The following SYT1 variants were observed in gnomAD, a reference collection of about 807,000 sequenced individuals.
The protein encoded by SYT1 is synaptotagmin 1.
In SYT1, 8 loss-of-function variants were observed where a neutral mutation model predicts 44.8. The observed-to-expected ratio is 0.18, with a 90% CI of 0.10 to 0.32. The LOEUF (loss-of-function observed/expected upper bound fraction) is 0.32, where lower values mean the gene tolerates loss of function less well. Among genes scored for constraint, SYT1 ranks in the 10% least tolerant of loss-of-function variants. SYT1 has a pLI of 1.00. For synonymous variants in SYT1, 154 were observed against 188.8 expected, an observed-to-expected ratio of 0.82 and a Z score of 1.51; for missense variants, 286 against 509.3, an observed-to-expected ratio of 0.56 and a Z score of 4.22.
At chr12:78,941,299 C>T (rs902878402) in intron 1 of SYT1, among the ~76,000 whole-genome samples, 1 of 151,310 alleles carries the variant, frequency 6.6e-6, no homozygotes, top group Non-Finnish European at 1.5e-5. Flanking sequence ...GTCTCGATCT[C>T]CTGACCTCGT....
chr12:79,084,395 T>A (rs564233818), intron 3 of SYT1, among the ~76,000 whole-genome samples: 17 of 152,158 alleles, frequency 1.1e-4, no homozygotes, highest in Non-Finnish European at 2.1e-4. Flanking sequence ...AGTCTCCAAC[T>A]ACCTTACATA....
intron 8 of SYT1, among the ~76,000 whole-genome samples, chr12:79,337,513 A>G (rs1185785116): frequency 6.6e-6 from 1 of 152,190 alleles, no homozygotes; most frequent in East Asian, 1.9e-4. Flanking sequence ...CACTAGCAGA[A>G]GTAGCTACAG....
At chr12:79,155,782 A>T (rs563478731) in intron 3 of SYT1, among the ~76,000 whole-genome samples, 1 of 152,312 alleles carries the variant, frequency 6.6e-6, no homozygotes, top group South Asian at 2.1e-4. Flanking sequence ...TCCATTTCAG[A>T]AGGGAAAAAG....
At chr12:79,178,889 C>G (rs1872074682) in intron 3 of SYT1, among the ~76,000 whole-genome samples, 1 of 146,386 alleles carries the variant, frequency 6.8e-6, no homozygotes, top group East Asian at 2.0e-4. Flanking sequence ...GCTGGGATTT[C>G]ATGCATGCGC....
At chr12:79,305,449 A>T (rs1296988438) in intron 8 of SYT1, among the ~76,000 whole-genome samples, 1 of 152,094 alleles carries the variant, frequency 6.6e-6, no homozygotes, top group Admixed American at 6.5e-5. Context: ...TCCAAAGTTC[A>T]TCTTCATTAA....
intron 1 of SYT1, among the ~76,000 whole-genome samples, chr12:78,889,433 G>T (rs1430677305): frequency 6.6e-6 from 1 of 151,838 alleles, no homozygotes; most frequent in African/African-American, 2.4e-5. Flanking sequence ...ATAAATGACA[G>T]TATAAAAATA....
chr12:79,385,576 A>G, intron 9 of SYT1, among the ~76,000 whole-genome samples: 1 of 152,136 alleles, frequency 6.6e-6, no homozygotes, highest in East Asian at 1.9e-4. Context: ...GCATGCTATA[A>G]TTTATAATTC....
At chr12:79,202,280 C>T (rs910485130) in intron 3 of SYT1, among the ~76,000 whole-genome samples, 1 of 152,116 alleles carries the variant, frequency 6.6e-6, no homozygotes, top group Non-Finnish European at 1.5e-5. Context: ...GAGATAATGA[C>T]CTTTTATTAC....
intron 1 of SYT1, among the ~76,000 whole-genome samples, chr12:78,893,087 A>G (rs1450658772): frequency 6.6e-6 from 1 of 151,864 alleles, no homozygotes; most frequent in Non-Finnish European, 1.5e-5. Context: ...AATGGCTGCC[A>G]TCATTACAAT....
intron 1 of SYT1, among the ~76,000 whole-genome samples, chr12:78,975,791 T>C (rs1291742220): frequency 1.3e-5 from 2 of 152,218 alleles, no homozygotes; most frequent in East Asian, 3.8e-4. Flanking sequence ...AGGAATAAGA[T>C]ACTTTCTGGG....
intron 4 of SYT1, among the ~76,000 whole-genome samples, chr12:79,237,275 C>T (rs555649521): frequency 4.6e-5 from 7 of 152,102 alleles, no homozygotes; most frequent in East Asian, 1.9e-4. Context: ...TTGGACAATA[C>T]GAGAAAGAGT....
chr12:79,445,126 C>G (rs1460028482), intron 10 of SYT1, among the ~76,000 whole-genome samples: 1 of 151,974 alleles, frequency 6.6e-6, no homozygotes, highest in East Asian at 1.9e-4. Flanking sequence ...CAACAAAGAA[C>G]CTTCTAAAGG....
At chr12:78,900,463 A>G (rs1301695470) in intron 1 of SYT1, among the ~76,000 whole-genome samples, 1 of 152,132 alleles carries the variant, frequency 6.6e-6, no homozygotes, top group South Asian at 2.1e-4. Context: ...TGAATAGTCA[A>G]GGAAGTCTCC....
At chr12:79,149,138 A>T (rs1870107244) in intron 3 of SYT1, among the ~76,000 whole-genome samples, 1 of 151,902 alleles carries the variant, frequency 6.6e-6, no homozygotes, top group Middle Eastern at 3.4e-3. Context: ...ATCTAGATTT[A>T]TTTTTTTACT....
At chr12:79,069,561 C>G (rs1213425471) in intron 3 of SYT1, among the ~76,000 whole-genome samples, 3 of 150,902 alleles carry the variant, frequency 2.0e-5, no homozygotes, top group Non-Finnish European at 4.4e-5. Context: ...AATTTTAATA[C>G]TAATTCAAAA....
intron 8 of SYT1, among the ~76,000 whole-genome samples, chr12:79,309,322 A>G (rs76337573): frequency 0.016 from 2,474 of 152,136 alleles, 36 homozygotes; most frequent in Non-Finnish European, 0.025. Flanking sequence ...ATAAAATATG[A>G]TCCCAGTAGG....
intron 2 of SYT1, among the ~76,000 whole-genome samples, chr12:79,029,128 T>C (rs1038288694): frequency 7.9e-5 from 12 of 151,246 alleles, no homozygotes; most frequent in African/African-American, 2.9e-4. Flanking sequence ...TAATTTCTAC[T>C]AATGCAGGTA....
chr12:79,310,392 C>A (rs971348008), intron 8 of SYT1, among the ~76,000 whole-genome samples: 1 of 151,928 alleles, frequency 6.6e-6, no homozygotes, highest in African/African-American at 2.4e-5. Context: ...GTTTTGGTAC[C>A]AGTACCATGC....
intron 4 of SYT1, among the ~76,000 whole-genome samples, chr12:79,276,858 T>C (rs1878758587): frequency 6.8e-6 from 1 of 147,262 alleles, no homozygotes; most frequent in African/African-American, 2.5e-5. Flanking sequence ...AGAAATAAAG[T>C]CTCCAAGAAA....
Sources: gnomAD v4.1 joint callset for allele counts (sites outside exome capture counted in the v4.1 genomes callset) on GRCh38, gnomAD v4.1.1 for gene constraint, MANE v1.5 for transcripts, NCBI Gene and HGNC (gene_info 2026-07-23, HGNC 2026-07-21) for gene names.